The following EXT1 variants were observed in gnomAD, a reference collection of about 807,000 sequenced individuals.
EXT1 encodes exostosin-1.
In EXT1, 20 loss-of-function variants were observed where a neutral mutation model predicts 82.5. The ratio of observed to expected loss-of-function variants is 0.24; its 90% CI spans 0.17 to 0.35. The LOEUF is 0.35. EXT1 is among the 10% of genes least tolerant of loss of function. The probability of loss-of-function intolerance (pLI) is 1.00; values close to 1 mark genes in which losing one functional copy is unlikely to be tolerated. For synonymous variants in EXT1, 348 were observed against 350.8 expected (o/e 0.99, Z 0.09); for missense variants, 757 against 936.5 (o/e 0.81, Z 2.50).
intron 1 of EXT1, among the ~76,000 whole-genome samples, chr8:117,952,693 G>A (rs58258202): frequency 1.9e-3 from 287 of 152,188 alleles, no homozygotes; most frequent in African/African-American, 6.5e-3. Flanking sequence ...ACCAGGAGGC[G>A]GAGGTTACAG....
intron 1 of EXT1, among the ~76,000 whole-genome samples, chr8:118,057,975 GAAAAA>G (rs1173695009): frequency 1.7e-5 from 1 of 59,366 alleles, no homozygotes; most frequent in South Asian, 6.0e-4. Context: ...CATCTCAAAA[GAAAAA>G]AAAAAAAAAA....
At chr8:117,933,124 G>A (rs184558364) in intron 1 of EXT1, among the ~76,000 whole-genome samples, 2 of 152,120 alleles carry the variant, frequency 1.3e-5, no homozygotes, top group East Asian at 1.9e-4. Flanking sequence ...CGCCTCCAAA[G>A]TCTCTCTTGA....
At chr8:117,990,487 T>TA (rs1243244088) in intron 1 of EXT1, among the ~76,000 whole-genome samples, 1 of 152,164 alleles carries the variant, frequency 6.6e-6, no homozygotes, top group Non-Finnish European at 1.5e-5. Flanking sequence ...TGCTTACACA[T>TA]ATTCACCTGA....
intron 1 of EXT1, among the ~76,000 whole-genome samples, chr8:117,845,557 A>T (rs1156834688): frequency 2.7e-4 from 1 of 3,642 alleles, no homozygotes; most frequent in South Asian, 7.4e-3. Flanking sequence ...AAAAGTAAGT[A>T]AAAAAAAAAA....
At chr8:117,975,795 T>G (rs1474653516) in intron 1 of EXT1, among the ~76,000 whole-genome samples, 1 of 152,242 alleles carries the variant, frequency 6.6e-6, no homozygotes, top group Non-Finnish European at 1.5e-5. Context: ...ATAAATCCAT[T>G]TGAAAAATTA....
chr8:117,882,813 C>T (rs1356111935), intron 1 of EXT1, among the ~76,000 whole-genome samples: 1 of 151,524 alleles, frequency 6.6e-6, no homozygotes, highest in African/African-American at 2.4e-5. Flanking sequence ...CCTGTCTCTA[C>T]TAAAAATACA....
chr8:118,079,777 T>C (rs1337922322), intron 1 of EXT1, among the ~76,000 whole-genome samples: 1 of 147,812 alleles, frequency 6.8e-6, no homozygotes, highest in African/African-American at 2.5e-5. Context: ...TTCACACCCC[T>C]CCCAAAATTA....
intron 1 of EXT1, among the ~76,000 whole-genome samples, chr8:117,930,270 G>A (rs901106022): frequency 6.6e-6 from 1 of 152,218 alleles, no homozygotes; most frequent in South Asian, 2.1e-4. Flanking sequence ...AAGAAATGAA[G>A]TACCAAATGA....
intron 1 of EXT1, among the ~76,000 whole-genome samples, chr8:118,048,872 T>C (rs1474968776): frequency 6.6e-6 from 1 of 152,190 alleles, no homozygotes; most frequent in East Asian, 1.9e-4. Flanking sequence ...ATCCAAGGAA[T>C]GAATATTATC....
At chr8:117,856,518 G>A (rs1378751892) in intron 1 of EXT1, among the ~76,000 whole-genome samples, 3 of 148,564 alleles carry the variant, frequency 2.0e-5, no homozygotes, top group South Asian at 2.1e-4. Context: ...CGCCCACCTC[G>A]GCCGCCCAAA....
intron 1 of EXT1, among the ~76,000 whole-genome samples, chr8:117,894,054 C>G (rs1242323197): frequency 6.6e-6 from 1 of 152,142 alleles, no homozygotes; most frequent in Non-Finnish European, 1.5e-5. Flanking sequence ...GACCCCTAAC[C>G]CTGCCTTTTG....
chr8:117,983,019 A>G (rs1815240199), intron 1 of EXT1, among the ~76,000 whole-genome samples: 2 of 152,130 alleles, frequency 1.3e-5, no homozygotes, highest in South Asian at 4.1e-4. Context: ...TGTTGTTGAC[A>G]CTTCTTCAAG....
chr8:117,884,380 C>T (rs2129927359), intron 1 of EXT1, among the ~76,000 whole-genome samples: 1 of 152,212 alleles, frequency 6.6e-6, no homozygotes, highest in East Asian at 1.9e-4. Flanking sequence ...GTCAAGCCTA[C>T]CTTCAGGCTG....
chr8:117,816,844 C>T (rs1050674909), intron 7 of EXT1, among the ~76,000 whole-genome samples: 1 of 152,142 alleles, frequency 6.6e-6, no homozygotes, highest in Non-Finnish European at 1.5e-5. Flanking sequence ...ACATTATCCA[C>T]CAGAAGCAGA....
chr8:117,806,506 G>A (rs936486360), intron 9 of EXT1, among the ~76,000 whole-genome samples: 1 of 152,160 alleles, frequency 6.6e-6, no homozygotes, highest in African/African-American at 2.4e-5. Context: ...GTGCATCCAT[G>A]CCCCCTGACT....
intron 1 of EXT1, among the ~76,000 whole-genome samples, chr8:117,914,501 T>G (rs1262819839): frequency 6.6e-6 from 1 of 152,220 alleles, no homozygotes; most frequent in African/African-American, 2.4e-5. Context: ...CATATTTTTC[T>G]CTTTGCAGAG....
At chr8:118,093,947 A>T (rs1021947321) in intron 1 of EXT1, among the ~76,000 whole-genome samples, 6 of 152,218 alleles carry the variant, frequency 3.9e-5, no homozygotes, top group African/African-American at 1.4e-4. Context: ...AAATTGTTGA[A>T]AGTAGAAAGT....
intron 1 of EXT1, among the ~76,000 whole-genome samples, chr8:117,958,709 T>G (rs928207156): frequency 2.0e-5 from 3 of 152,210 alleles, no homozygotes; most frequent in Non-Finnish European, 4.4e-5. Context: ...ATTGAGCATT[T>G]ACTATGTACC....
At chr8:118,029,146 A>G (rs1816257783) in intron 1 of EXT1, among the ~76,000 whole-genome samples, 1 of 151,416 alleles carries the variant, frequency 6.6e-6, no homozygotes. Context: ...ATGAATATAA[A>G]AAATAATGTG....
Sources: allele counts gnomAD v4.1 joint callset (sites outside exome capture counted in the v4.1 genomes callset), GRCh38; gene constraint gnomAD v4.1.1; transcripts MANE v1.5; gene names NCBI Gene and HGNC (gene_info 2026-07-23, HGNC 2026-07-21).